The following MGMT variants were observed in gnomAD, a reference collection of about 807,000 sequenced individuals.
MGMT encodes O-6-methylguanine-DNA methyltransferase.
MGMT carries 14 observed loss-of-function variants against 15.9 expected under a neutral mutation model. The observed-to-expected ratio is 0.88, with a 90% CI of 0.58 to 1.37. The LOEUF is 1.37. MGMT is among the 40% of genes most tolerant of loss of function. The pLI is 0.00. For missense variants in MGMT, 282 were observed against 268.1 expected, an observed-to-expected ratio of 1.05 and a Z score of -0.36; for synonymous variants, 130 against 118.2, an observed-to-expected ratio of 1.10 and a Z score of -0.65.
At chr10:129,630,042 G>A (rs992494393) in intron 2 of MGMT, among the ~76,000 whole-genome samples, 5 of 152,228 alleles carry the variant, frequency 3.3e-5, no homozygotes, top group African/African-American at 7.2e-5. Context: ...AGGTGGAAGC[G>A]GTGAGAGGGC....
At chr10:129,534,729 G>C (rs1180190055) in intron 1 of MGMT, among the ~76,000 whole-genome samples, 1 of 151,694 alleles carries the variant, frequency 6.6e-6, no homozygotes, top group Non-Finnish European at 1.5e-5. Context: ...AAGCAGGGAG[G>C]GGGCCTTCAG....
chr10:129,714,659 G>C (rs1274997717), intron 3 of MGMT, among the ~76,000 whole-genome samples: 6 of 152,176 alleles, frequency 3.9e-5, no homozygotes, highest in South Asian at 4.1e-4. Flanking sequence ...TATCAAAATG[G>C]ATGTAGCTCC....
At chr10:129,551,782 G>A (rs1437025464) in intron 2 of MGMT, among the ~76,000 whole-genome samples, 1 of 152,130 alleles carries the variant, frequency 6.6e-6, no homozygotes, top group Non-Finnish European at 1.5e-5. Flanking sequence ...CAGCAGACCG[G>A]TGGAACATGC....
At chr10:129,548,114 A>T (rs948179157) in intron 2 of MGMT, among the ~76,000 whole-genome samples, 9 of 152,232 alleles carry the variant, frequency 5.9e-5, no homozygotes, top group African/African-American at 2.2e-4. Flanking sequence ...TTATAAGGAC[A>T]AACATGTTTT....
At chr10:129,652,435 G>C (rs2133098659) in intron 2 of MGMT, among the ~76,000 whole-genome samples, 1 of 152,344 alleles carries the variant, frequency 6.6e-6, no homozygotes, top group South Asian at 2.1e-4. Context: ...GCACGTTTCT[G>C]ACCCTCCTGA....
intron 2 of MGMT, among the ~76,000 whole-genome samples, chr10:129,681,026 C>T (rs1445349609): frequency 3.9e-5 from 6 of 152,218 alleles, no homozygotes; most frequent in Admixed American, 2.6e-4. Flanking sequence ...GCTCCCACCA[C>T]CAGTGCTGCC....
At chr10:129,719,574 C>T (rs989096589) in intron 3 of MGMT, among the ~76,000 whole-genome samples, 1 of 152,180 alleles carries the variant, frequency 6.6e-6, no homozygotes, top group Non-Finnish European at 1.5e-5. Context: ...CTCCTTGCTG[C>T]GTCCTCACTA....
At chr10:129,706,088 C>T (rs958208685) in intron 2 of MGMT, among the ~76,000 whole-genome samples, 2 of 152,234 alleles carry the variant, frequency 1.3e-5, no homozygotes, top group African/African-American at 4.8e-5. Flanking sequence ...GGGCCCCCAG[C>T]CCCCACCAGT....
chr10:129,487,857 A>C (rs1398072804), intron 1 of MGMT, among the ~76,000 whole-genome samples: 1 of 150,916 alleles, frequency 6.6e-6, no homozygotes, highest in Non-Finnish European at 1.5e-5. Flanking sequence ...TGTGTGTTTT[A>C]AGTTGGATCC....
chr10:129,643,906 GT>G (rs557771826), intron 2 of MGMT, among the ~76,000 whole-genome samples: 1 of 151,992 alleles, frequency 6.6e-6, no homozygotes, highest in Non-Finnish European at 1.5e-5. Flanking sequence ...CTGGCTTGAG[GT>G]TTTTTTTCAT....
chr10:129,521,439 C>G (rs1379046107), intron 1 of MGMT, among the ~76,000 whole-genome samples: 3 of 152,190 alleles, frequency 2.0e-5, no homozygotes, highest in Non-Finnish European at 4.4e-5. Context: ...TTCCAGATTA[C>G]TGGATGGAAG....
intron 2 of MGMT, among the ~76,000 whole-genome samples, chr10:129,652,047 G>C (rs539066770): frequency 1.3e-5 from 2 of 152,206 alleles, no homozygotes; most frequent in Non-Finnish European, 2.9e-5. Flanking sequence ...GAAAGGTTCC[G>C]GGAAAGCTGC....
intron 1 of MGMT, among the ~76,000 whole-genome samples, chr10:129,471,953 T>G (rs1845236501): frequency 6.6e-6 from 1 of 152,220 alleles, no homozygotes; most frequent in Admixed American, 6.5e-5. Flanking sequence ...CATGTTATTA[T>G]TGCTTTTGAG....
intron 3 of MGMT, among the ~76,000 whole-genome samples, chr10:129,734,400 A>G (rs1454590621): frequency 1.3e-5 from 2 of 149,034 alleles, no homozygotes; most frequent in Middle Eastern, 3.5e-3. Context: ...TGATTTTTGT[A>G]CATTGATTTT....
chr10:129,485,023 A>T (rs1589830901), intron 1 of MGMT, among the ~76,000 whole-genome samples: 2 of 152,050 alleles, frequency 1.3e-5, no homozygotes, highest in African/African-American at 4.8e-5. Flanking sequence ...GGCAGCTCTG[A>T]GGTCTTTACC....
At chr10:129,684,579 G>A (rs1847885806) in intron 2 of MGMT, among the ~76,000 whole-genome samples, 1 of 152,208 alleles carries the variant, frequency 6.6e-6, no homozygotes, top group Non-Finnish European at 1.5e-5. Flanking sequence ...ACACGTAAGT[G>A]ATTGTGTATG....
At chr10:129,582,959 A>G (rs1846574106) in intron 2 of MGMT, among the ~76,000 whole-genome samples, 1 of 152,212 alleles carries the variant, frequency 6.6e-6, no homozygotes, top group African/African-American at 2.4e-5. Context: ...GCTTGCACTG[A>G]ATCACTTGAT....
Position 129,708,053 on chromosome 10 carries a change from T to A in MGMT, c.274+10T>A. 4.3e-6 allele frequency: 7 copies of A among 1,609,308 alleles called. No homozygotes were observed. Among genetic ancestry groups the A allele is most frequent in the Non-Finnish European group, 5.1e-6 (6 of 1,177,656 alleles). ...CCCGTTTTCCAGCAAGGTCGGTAAC[T>A]AAGCCATCTGCGGTGTTTCCTTTGG... On this transcript the variant is annotated intron_variant, in intron 3 of 4. Transcript: ENST00000651593.
At chr10:129,495,332 T>C (rs1268616990) in intron 1 of MGMT, among the ~76,000 whole-genome samples, 1 of 152,244 alleles carries the variant, frequency 6.6e-6, no homozygotes, top group Non-Finnish European at 1.5e-5. Context: ...TCAAAATATC[T>C]GCATTGTGAA....
Sources: gnomAD v4.1 joint callset for allele counts (sites outside exome capture counted in the v4.1 genomes callset) on GRCh38, gnomAD v4.1.1 for gene constraint, MANE v1.5 for transcripts, NCBI Gene and HGNC (gene_info 2026-07-23, HGNC 2026-07-21) for gene names.